ANKRD40: variants seen among roughly 807,000 people sequenced by gnomAD.
ANKRD40 encodes ankyrin repeat domain 40.
Under a neutral mutation model 35.5 loss-of-function variants are expected in ANKRD40, and 24 were observed. The observed-to-expected ratio is 0.68, with a 90% CI of 0.49 to 0.95. The LOEUF (loss-of-function observed/expected upper bound fraction) is 0.95. ANKRD40 is among the 40% of genes least tolerant of loss of function. The pLI is 0.00. For missense variants in ANKRD40, 361 were observed against 436.0 expected, an observed-to-expected ratio of 0.83 and a Z score of 1.53; for synonymous variants, 147 against 173.5, an observed-to-expected ratio of 0.85 and a Z score of 1.20.
Position 50,699,392 on chromosome 17 carries a change from G to C in ANKRD40, c.778+7C>G. The C allele has an allele frequency of 6.2e-7, 1 of 1,612,254 alleles. No homozygotes were observed. Among genetic ancestry groups the C allele is most frequent in the Non-Finnish European group, 8.5e-7 (1 of 1,178,650 alleles). On this transcript the variant is annotated splice_region_variant and intron_variant, in intron 3 of 4. Transcript: ENST00000285243. Reference sequence around the variant, plus strand: ...GTTGCAGAGGCTGTTTGCTGATGAGGGGTTACCTTGCATATTAAATGGAAA... The same window carrying C: ...GTTGCAGAGGCTGTTTGCTGATGAGCGGTTACCTTGCATATTAAATGGAAA...
At chr17:50,696,888 T>C in intron 4 of ANKRD40, 52 bp downstream of exon 4, 1 of 1,500,488 alleles carries the variant, frequency 6.7e-7, no homozygotes, top group South Asian at 1.3e-5. Context: ...AGGAGGGGGC[T>C]AGGTATTTTT....
chr17:50,702,606 C>A lies in ANKRD40; in HGVS notation c.135-1890G>T, dbSNP rs540360624. On this transcript the variant is annotated intron_variant, in intron 1 of 4. Coordinates refer to ENST00000285243, the MANE Select transcript of ANKRD40 (RefSeq NM_052855.4). The stretch of plus-strand genomic sequence containing the variant: ...AATGAAGCATGATGAGAAAAATATG[C>A]TCCCTTTTGGAAATAAAATGCTCAC... 1.2e-4 allele frequency among the ~76,000 whole-genome samples: 19 copies of A among 152,280 alleles called. No individual in the cohort carries two copies. In the South Asian group the frequency reaches 3.9e-3, roughly 32 times the overall value.
chr17:50,700,429 G>A (rs1968256735), intron 2 of ANKRD40, 139 bp downstream of exon 2: 1 of 968,916 alleles, frequency 1.0e-6, no homozygotes, highest in Non-Finnish European at 1.5e-6. Context: ...GGCAACAAGA[G>A]CTAAACTCCG....
At chr17:50,701,462 G>A (rs1221637315) in intron 1 of ANKRD40, among the ~76,000 whole-genome samples, 1 of 152,114 alleles carries the variant, frequency 6.6e-6, no homozygotes, top group Non-Finnish European at 1.5e-5. Flanking sequence ...ACTCATTTAA[G>A]TAAAACTAAT....
Position 50,697,015 on chromosome 17 carries a change from C to A in ANKRD40, c.885G>T (p.Val295=). Residue 295 remains valine (V), a synonymous_variant, in exon 4 of 5, where the codon GTG becomes GTT. Transcript: ENST00000285243. ...GATTAACACCCAGCTCACAGCAACA[C>A]ACTCTGAGCAACTCTTGGTAGGTGA... is the stretch of plus-strand genomic sequence containing the variant. ...QELTYQELLR[V]CCCELGVNPD... The A allele has an allele frequency of 6.2e-7, 1 of 1,614,178 alleles. No individual in the cohort carries two copies. The highest frequency in any genetic ancestry group is 1.6e-4 in the Middle Eastern group (1 of 6,062).
At position 50,707,592 on chromosome 17, in the gene ANKRD40, C is replaced by T; in HGVS notation, c.63G>A (p.Gly21=). The T allele has an allele frequency of 1.9e-6, 3 of 1,605,706 alleles. No homozygotes were observed. Among genetic ancestry groups the T allele is most frequent in the Non-Finnish European group, 2.6e-6 (3 of 1,176,164 alleles). ...QERLREAAAL[G]DIREVQKLVE... ...CCAGTTTCTGCACCTCCCGAATGTC[C>T]CCTAAGGCCGCGGCCTCCCGCAGCC... The change falls in exon 1 of 5, where the codon GGG becomes GGA. Residue 21 remains glycine (G), a synonymous_variant. Coordinates refer to ENST00000285243, the MANE Select transcript of ANKRD40 (RefSeq NM_052855.4). The surrounding 1 kb of genome is among the most constrained non-coding windows in gnomAD (Gnocchi z 4.8).
At chr17:50,702,884 T>G (rs188406709) in intron 1 of ANKRD40, among the ~76,000 whole-genome samples, 47 of 152,354 alleles carry the variant, frequency 3.1e-4, no homozygotes, top group African/African-American at 1.1e-3. Context: ...AAGTTCTTCA[T>G]GAACCAAGGG....
At chr17:50,703,624 G>C (rs77397584) in intron 1 of ANKRD40, among the ~76,000 whole-genome samples, 2 of 152,146 alleles carry the variant, frequency 1.3e-5, no homozygotes, top group Non-Finnish European at 2.9e-5. Context: ...CAAAGATCTT[G>C]AATCAGGACT....
intron 4 of ANKRD40, 99 bp from the exon 5 acceptor site, chr17:50,696,242 T>C: frequency 7.6e-7 from 1 of 1,318,450 alleles, no homozygotes; most frequent in Non-Finnish European, 1.0e-6. Flanking sequence ...TTTCAAAACC[T>C]AGAAGAAAAA....
intron 1 of ANKRD40, among the ~76,000 whole-genome samples, chr17:50,702,353 T>C (rs1010482222): frequency 6.6e-6 from 1 of 152,010 alleles, no homozygotes; most frequent in Non-Finnish European, 1.5e-5. Flanking sequence ...CGAGCCAAGA[T>C]TGTGCCACTG....
intron 1 of ANKRD40, among the ~76,000 whole-genome samples, chr17:50,705,038 C>T (rs1231918057): frequency 6.6e-6 from 1 of 150,596 alleles, no homozygotes; most frequent in Non-Finnish European, 1.5e-5. Context: ...GGCGTGAACC[C>T]AGGAGGCAGA....
Position 50,707,744 on chromosome 17 carries a change from C to A in ANKRD40, c.-90G>T, listed in dbSNP as rs1968360054. The A allele has an allele frequency of 2.0e-6, 2 of 997,304 alleles. No individual in the cohort carries two copies. The highest frequency in any genetic ancestry group is 9.3e-5 in the South Asian group (2 of 21,474). 61.8% of individuals were successfully genotyped at this position (997,304 alleles called of 1,614,324 possible). A position where few individuals can be genotyped will look rare whatever the true frequency, so the allele number is the denominator to read the frequency against. On this transcript the variant is annotated 5_prime_UTR_variant, in exon 1 of 5. Transcript: ENST00000285243. This position sits in a 1 kb window ranked among gnomAD's most constrained non-coding sequence, Gnocchi z 4.8. ...CCGCCGCCGTCGCCGCGGCCCGCTC[C>A]CGGCCATGGGGAGGGAGCGCGGAAC...
At chr17:50,706,903 C>CAAAAAAAAAAAAAAAAAAAAA (rs35024672) in intron 1 of ANKRD40, among the ~76,000 whole-genome samples, 10 of 37,968 alleles carry the variant, frequency 2.6e-4, no homozygotes, top group South Asian at 1.4e-3. Context: ...GACCCTGTCT[C>CAAAAAAAAAAAAAAAAAAAAA]AAAAAAAAAA....
chr17:50,707,641 A>C lies in ANKRD40; in HGVS notation c.14T>G (p.Leu5Arg). MNAL[L>R]EQKEQQERLR... Reference sequence around the variant, plus strand: ...CCTCTCCTGCTGCTCCTTCTGCTCTAGGAGGGCGTTCATCTTCCCACAGCC... The same window carrying C: ...CCTCTCCTGCTGCTCCTTCTGCTCTCGGAGGGCGTTCATCTTCCCACAGCC... Residue 5 changes from leucine (L) to arginine (R), a missense_variant, in exon 1 of 5, where the codon CTA (leucine) becomes CGA (arginine). Leu to Arg is a moderately radical substitution (Grantham distance 102). This residue lies in a region of ANKRD40 where 56 missense variants were observed against 47.1 expected (regional missense o/e 1.19). Coordinates refer to ENST00000285243, the MANE Select transcript of ANKRD40 (RefSeq NM_052855.4). The surrounding 1 kb of genome is among the most constrained non-coding windows in gnomAD (Gnocchi z 4.8). 1.3e-6 allele frequency: 2 copies of C among 1,572,922 alleles called. No individual in the cohort carries two copies. Among genetic ancestry groups the C allele is most frequent in the East Asian group, 2.5e-5 (1 of 39,436 alleles).
intron 1 of ANKRD40, among the ~76,000 whole-genome samples, chr17:50,706,837 G>T (rs2146661541): frequency 7.8e-6 from 1 of 128,800 alleles, no homozygotes; most frequent in East Asian, 2.6e-4. Context: ...CGGGGAGGTA[G>T]AAGTTGCAGT....
At chr17:50,701,509 A>T (rs925096420) in intron 1 of ANKRD40, among the ~76,000 whole-genome samples, 2 of 152,222 alleles carry the variant, frequency 1.3e-5, no homozygotes, top group African/African-American at 4.8e-5. Flanking sequence ...AATTCTGCAC[A>T]CTCTGAAGGG....
At position 50,707,687 on chromosome 17, in the gene ANKRD40, G is replaced by T; in HGVS notation, c.-33C>A. The T allele has an allele frequency of 7.3e-7, 1 of 1,372,058 alleles. No homozygotes were observed. 85.0% of individuals were successfully genotyped at this position (1,372,058 alleles called of 1,614,324 possible). A position where few individuals can be genotyped will look rare whatever the true frequency, so the allele number is the denominator to read the frequency against. On this transcript the variant is annotated 5_prime_UTR_variant, in exon 1 of 5. Coordinates refer to ENST00000285243, the MANE Select transcript of ANKRD40 (RefSeq NM_052855.4). This position sits in a 1 kb window ranked among gnomAD's most constrained non-coding sequence, Gnocchi z 4.8. ...CAGCCCCAGGCCCCCGCCCAGGCCC[G>T]CCTGCCCCGCCCCGCCCGGGGCCTG... is the stretch of plus-strand genomic sequence containing the variant.
At position 50,700,682 on chromosome 17, in the gene ANKRD40, C is replaced by T. The variant is rs760196499; in HGVS notation, c.169G>A (p.Gly57Ser). The T allele has an allele frequency of 2.5e-6, 4 of 1,614,030 alleles. No individual in the cohort carries two copies. The South Asian group carries it at 4.4e-5, about 18-fold the overall frequency. Residue 57 changes from glycine (G) to serine (S), a missense_variant, in exon 2 of 5, where the codon GGT (glycine) becomes AGT (serine). Transcript: ENST00000285243. ...TTTAACAGGTAAGAGACCACCTGAC[C>T]ATGGTTTCGTTTACATGCCCAGTGT... is the stretch of plus-strand genomic sequence containing the variant. ...CLHWACKRNH[G>S]QVVSYLLKSG...
chr17:50,696,160 T>G lies in ANKRD40; in HGVS notation c.961-17A>C. ...ATCCTTGTCCTAAAACAAAAATATGTTAAACAGATTAACAGGAGCCACTTG... is the reference window on the plus strand; with the variant it reads ...ATCCTTGTCCTAAAACAAAAATATGGTAAACAGATTAACAGGAGCCACTTG... On this transcript the variant is annotated splice_polypyrimidine_tract_variant and intron_variant, in intron 4 of 4. Transcript: ENST00000285243. 6.2e-7 allele frequency: 1 copy of G among 1,610,678 alleles called. No homozygotes were observed. The highest frequency in any genetic ancestry group is 8.5e-7 in the Non-Finnish European group (1 of 1,178,332).
Sources: gnomAD v4.1 joint callset for allele counts (sites outside exome capture counted in the v4.1 genomes callset) on GRCh38, gnomAD v4.1.1 for gene constraint, gnomAD v4.1.1 regional missense constraint, Gnocchi (gnomAD v3.1) non-coding constraint, MANE v1.5 for transcripts, NCBI Gene and HGNC (gene_info 2026-07-23, HGNC 2026-07-21) for gene names.